The following LAMC3 variants were observed in gnomAD, a reference collection of about 807,000 sequenced individuals.
LAMC3 encodes laminin subunit gamma-3.
A neutral mutation model predicts 173.8 loss-of-function variants in LAMC3; 128 were observed. That is an observed-to-expected ratio of 0.74 (90% CI 0.64 to 0.85). The LOEUF (loss-of-function observed/expected upper bound fraction) is 0.85. LAMC3 is among the 40% of genes least tolerant of loss of function. The pLI, the probability that LAMC3 is intolerant of heterozygous loss-of-function variation, is 0.00. For synonymous variants in LAMC3, 897 were observed against 909.1 expected, an observed-to-expected ratio of 0.99 and a Z score of 0.24; for missense variants, 2,022 against 2,156.0, an observed-to-expected ratio of 0.94 and a Z score of 1.23.
intron 2 of LAMC3, among the ~76,000 whole-genome samples, chr9:131,028,148 C>G (rs1242557030): frequency 1.4e-5 from 2 of 145,624 alleles, no homozygotes; most frequent in Non-Finnish European, 3.0e-5. Context: ...CCTGTCAGAT[C>G]AGCTGCGGCA....
Position 131,048,784 on chromosome 9 carries a change from C to T in LAMC3, c.1520-236C>T, listed in dbSNP as rs183276860. 3.5e-4 allele frequency among the ~76,000 whole-genome samples: 53 copies of T among 152,252 alleles called. No homozygotes were observed. The East Asian group carries it at 9.1e-3, about 26-fold the overall frequency. ...GTACTATTAGAGATGGCCCTGATGTCCCAGGGCCCCCATGTGGGGGTCTTC... is the reference window on the plus strand; with the variant it reads ...GTACTATTAGAGATGGCCCTGATGTTCCAGGGCCCCCATGTGGGGGTCTTC... On this transcript the variant is annotated intron_variant, in intron 8 of 27. Coordinates refer to ENST00000361069, the MANE Select transcript of LAMC3 (RefSeq NM_006059.4).
intron 1 of LAMC3, among the ~76,000 whole-genome samples, chr9:131,019,043 A>G (rs1014116264): frequency 2.0e-5 from 3 of 152,172 alleles, no homozygotes; most frequent in Non-Finnish European, 4.4e-5. Flanking sequence ...CAGGCAAATC[A>G]CTTGAGGTCA....
rs191608809 is a variant in LAMC3, at chr9:131,077,804, A to G, written c.3777+470A>G. The stretch of plus-strand genomic sequence containing the variant: ...CTATATTGCAGCTAAGTCAAATGAT[A>G]TAACCTACCTATGGGGCTTGGCAGA... On this transcript the variant is annotated intron_variant, in intron 22 of 27. Transcript: ENST00000361069. Among the ~76,000 whole-genome samples, 17 of 151,770 alleles carry G rather than the reference A, an allele frequency of 1.1e-4. No homozygotes were observed. The East Asian group carries it at 3.3e-3, about 29-fold the overall frequency.
intron 1 of LAMC3, among the ~76,000 whole-genome samples, chr9:131,020,666 G>T (rs1242682504): frequency 1.3e-5 from 2 of 152,192 alleles, no homozygotes; most frequent in East Asian, 3.8e-4. Flanking sequence ...GCATAAGTCA[G>T]GGAACAGACG....
chr9:131,014,683 A>G (rs1166689126), intron 1 of LAMC3, among the ~76,000 whole-genome samples: 1 of 152,194 alleles, frequency 6.6e-6, no homozygotes, highest in Non-Finnish European at 1.5e-5. Flanking sequence ...GAGCAGCTCA[A>G]ATTTCATTGA....
rs59291636 is a variant in LAMC3, at chr9:131,048,047, A to ATTTTTTT, written c.1520-952_1520-946dup. The stretch of plus-strand genomic sequence containing the variant: ...AGGTGTGAGCCACCACACCCAGCTG[A>ATTTTTTT]TTTTTTTTTTTTTTTTTTTTTTTTT... On this transcript the variant is annotated intron_variant, in intron 8 of 27. Transcript: ENST00000361069. Among the ~76,000 whole-genome samples, 4 of 53,396 alleles carry ATTTTTTT rather than the reference A, an allele frequency of 7.5e-5. 2 individuals carry two copies. Among genetic ancestry groups the ATTTTTTT allele is most frequent in the African/African-American group, 3.6e-4 (4 of 11,100 alleles). The allele number at this position is 53,396 out of a possible 152,430, so 35.0% of individuals were successfully genotyped here. A position where few individuals can be genotyped will look rare whatever the true frequency, so the allele number is the denominator to read the frequency against.
rs753971801 is a variant in LAMC3 at position 131,056,914 on chromosome 9, CT to C, written c.1940-13del. ...TTGTGCCTCCTCTCTTCCTCTCTCC[CT>C]TCTCGCTCTGCAGGTCCAGTGTTCC... On this transcript the variant is annotated splice_polypyrimidine_tract_variant and intron_variant, in intron 11 of 27. Coordinates refer to ENST00000361069, the MANE Select transcript of LAMC3 (RefSeq NM_006059.4). The C allele has an allele frequency of 2.7e-4, 439 of 1,607,000 alleles. 2 individuals are homozygous for C. The highest frequency in any genetic ancestry group is 2.3e-3 in the African/African-American group (174 of 74,966).
chr9:131,027,750 G>T (rs1000598343), intron 2 of LAMC3, among the ~76,000 whole-genome samples: 1 of 152,222 alleles, frequency 6.6e-6, no homozygotes, highest in Non-Finnish European at 1.5e-5. Flanking sequence ...TGCTTGGCAC[G>T]TAGAGCGTGC....
chr9:131,067,282 G>A, intron 14 of LAMC3, 77 bp downstream of exon 14: 2 of 1,583,062 alleles, frequency 1.3e-6, no homozygotes, highest in Non-Finnish European at 1.7e-6. Context: ...GGCCCAGAAG[G>A]GGTGGCTGAG....
chr9:131,072,567 G>A (rs1305913736), intron 18 of LAMC3, 63 bp from the exon 19 acceptor site: 1 of 1,412,480 alleles, frequency 7.1e-7, no homozygotes, highest in African/African-American at 1.4e-5. Context: ...GACCCCTGGG[G>A]GTGGGGGCTT....
chr9:131,019,862 A>C (rs1833596671), intron 1 of LAMC3, among the ~76,000 whole-genome samples: 1 of 147,350 alleles, frequency 6.8e-6, no homozygotes, highest in African/African-American at 2.5e-5. Context: ...CTGAGCCAGC[A>C]GCTGGGCACA....
chr9:131,028,218 T>A (rs903058049), intron 2 of LAMC3, among the ~76,000 whole-genome samples: 19 of 152,274 alleles, frequency 1.2e-4, no homozygotes, highest in African/African-American at 4.6e-4. Flanking sequence ...TGCCTGATGG[T>A]CTGAGGTGGA....
At position 131,091,541 on chromosome 9, in the gene LAMC3, G is replaced by A. The variant is rs541113508; in HGVS notation, c.4482G>A (p.Ser1494=). 32 of 1,580,002 alleles carry A rather than the reference G, an allele frequency of 2.0e-5. No individual in the cohort carries two copies. Among genetic ancestry groups the A allele is most frequent in the East Asian group, 6.9e-5 (3 of 43,334 alleles). ...GCTGTTTGTGCCCCACCACAGGGTC[G>A]CTGGACACCCATCAAGCCCCAGCCC... ...TLSELLARLG[S]LDTHQAPAQA... is the part of the protein sequence containing the mutation. Residue 1494 remains serine, a synonymous_variant, in exon 28 of 28, where the codon TCG becomes TCA. Transcript: ENST00000361069.
At position 131,039,263 on chromosome 9, in the gene LAMC3, C is replaced by A; in HGVS notation, c.1283+15C>A. ...GGAGGCTGCAGGTGAGGGCGAGGGGCGGCCCAGTATGGACACATTGCACTG... is the reference window on the plus strand; with the variant it reads ...GGAGGCTGCAGGTGAGGGCGAGGGGAGGCCCAGTATGGACACATTGCACTG... On this transcript the variant is annotated intron_variant, in intron 6 of 27. Coordinates refer to ENST00000361069, the MANE Select transcript of LAMC3 (RefSeq NM_006059.4). The A allele has an allele frequency of 4.4e-6, 7 of 1,592,148 alleles. No individual in the cohort carries two copies. The highest frequency in any genetic ancestry group is 6.0e-6 in the Non-Finnish European group (7 of 1,171,642).
intron 27 of LAMC3, among the ~76,000 whole-genome samples, chr9:131,088,335 CAG>C (rs1451077618): frequency 1.3e-5 from 2 of 152,124 alleles, no homozygotes; most frequent in Non-Finnish European, 2.9e-5. Context: ...ATGGGAGTAA[CAG>C]TGGGGTGGTT....
At chr9:131,062,948 C>A (rs1413958996) in intron 13 of LAMC3, among the ~76,000 whole-genome samples, 1 of 152,062 alleles carries the variant, frequency 6.6e-6, no homozygotes, top group Non-Finnish European at 1.5e-5. Flanking sequence ...GTTCTCCTCT[C>A]TGTCTCTATG....
At chr9:131,068,044 T>C in intron 14 of LAMC3, 34 bp from the exon 15 acceptor site, 3 of 1,604,070 alleles carry the variant, frequency 1.9e-6, no homozygotes, top group Non-Finnish European at 2.5e-6. Context: ...CAATCTGCAT[T>C]GTTCCCAACA....
intron 11 of LAMC3, 150 bp downstream of exon 11, chr9:131,053,115 G>A: frequency 1.4e-6 from 1 of 717,610 alleles, no homozygotes; most frequent in Admixed American, 2.0e-5. Flanking sequence ...CAAAAGTCAG[G>A]ACAGTTGCCA....
intron 24 of LAMC3, among the ~76,000 whole-genome samples, chr9:131,084,089 G>A (rs1237909338): frequency 6.7e-6 from 1 of 148,946 alleles, no homozygotes; most frequent in Non-Finnish European, 1.5e-5. Flanking sequence ...CACCAGGTTG[G>A]ACAGGCTGGT....
Sources: gnomAD v4.1 joint callset for allele counts (sites outside exome capture counted in the v4.1 genomes callset) on GRCh38, gnomAD v4.1.1 for gene constraint, MANE v1.5 for transcripts, NCBI Gene and HGNC (gene_info 2026-07-23, HGNC 2026-07-21) for gene names.